Variants in SYNE2 observed in about 807,000 individuals in gnomAD.
SYNE2 encodes spectrin repeat containing nuclear envelope protein 2, also known as nesprin-2.
SYNE2 carries 431 observed loss-of-function variants against 856.3 expected under a neutral mutation model. That is an observed-to-expected ratio of 0.50 (90% CI 0.47 to 0.55). SYNE2 has a LOEUF of 0.55. Among genes scored for constraint, SYNE2 ranks in the 20% least tolerant of loss-of-function variants. The pLI is 0.00. For missense variants in SYNE2, 8,129 were observed against 8,023.2 expected, an observed-to-expected ratio of 1.01 and a Z score of -0.50; for synonymous variants, 2,923 against 2,872.3, an observed-to-expected ratio of 1.02 and a Z score of -0.56.
chr14:63,830,257 G>A (rs1013652479), intron 1 of SYNE2, among the ~76,000 whole-genome samples: 3 of 150,780 alleles, frequency 2.0e-5, no homozygotes, highest in African/African-American at 7.3e-5. Context: ...AGGCTAAACA[G>A]TGTGAGGTTT....
chr14:63,956,425 A>G (rs2096242572), intron 8 of SYNE2: 1 of 456,452 alleles, frequency 2.2e-6, no homozygotes, highest in African/African-American at 2.0e-5. Flanking sequence ...TTTTTTCACA[A>G]CCAGCTTACA....
Position 63,979,006 on chromosome 14 carries a change from G to A in SYNE2, c.1561G>A (p.Asp521Asn). 6.2e-7 allele frequency: 1 copy of A among 1,613,702 alleles called. No individual in the cohort carries two copies. The highest frequency in any genetic ancestry group is 8.5e-7 in the Non-Finnish European group (1 of 1,179,792). ...SRESVELLLE[D>N]WHKFIEEKEF... The stretch of plus-strand genomic sequence containing the variant: ...AGAATCTGTGGAATTATTGCTGGAA[G>A]ACTGGCATGTAAGCTTTTCAATTTT... Residue 521 changes from aspartate (D) to asparagine (N), a missense_variant, in exon 14 of 116, where the codon GAC becomes AAC. Coordinates refer to ENST00000555002, the MANE Select transcript of SYNE2 (RefSeq NM_182914.3).
intron 1 of SYNE2, among the ~76,000 whole-genome samples, chr14:63,879,595 A>G (rs1427610174): frequency 6.6e-6 from 1 of 152,236 alleles, no homozygotes; most frequent in Non-Finnish European, 1.5e-5. Context: ...TTGTGCACAG[A>G]TAGGAAAGAG....
At chr14:63,886,079 C>T (rs1179204177) in intron 1 of SYNE2, among the ~76,000 whole-genome samples, 1 of 152,160 alleles carries the variant, frequency 6.6e-6, no homozygotes, top group Non-Finnish European at 1.5e-5. Context: ...CTGTGTTGTG[C>T]TAACACAGAT....
chr14:64,009,946 G>A lies in SYNE2; in HGVS notation c.4578-20G>A. On this transcript the variant is annotated intron_variant, in intron 31 of 115. Coordinates refer to ENST00000555002, the MANE Select transcript of SYNE2 (RefSeq NM_182914.3). ...TGCTATTTTTGGACATTTAGCTATT[G>A]TATATTTTTCTATTCTTAGTCTTGA... The A allele has an allele frequency of 6.2e-7, 1 of 1,608,262 alleles. No individual in the cohort carries two copies.
chr14:64,121,057 A>C lies in SYNE2; in HGVS notation c.13154A>C (p.Gln4385Pro). Residue 4385 changes from glutamine to proline, a missense_variant, in exon 68 of 116, where the codon CAA (glutamine) becomes CCA (proline). Gln to Pro is a moderately conservative substitution (Grantham distance 76, BLOSUM62 -1). Transcript: ENST00000555002. ...QFSRQKDFQQ[Q>P]QVLELKPMEQ... ...AGCAGACAAAAAGATTTCCAGCAGC[A>C]ACAGGTAATTCTAGCCCCCAACAGT... 1 of 1,614,020 alleles carries C rather than the reference A, an allele frequency of 6.2e-7. No homozygotes were observed.
chr14:63,843,522 A>G (rs1330096684), intron 1 of SYNE2, among the ~76,000 whole-genome samples: 1 of 152,132 alleles, frequency 6.6e-6, no homozygotes, highest in Non-Finnish European at 1.5e-5. Context: ...TCTCCATTCA[A>G]ATATTAAATT....
At chr14:64,142,661 T>A (rs189982030) in intron 82 of SYNE2, among the ~76,000 whole-genome samples, 96 of 152,320 alleles carry the variant, frequency 6.3e-4, no homozygotes, top group Non-Finnish European at 1.2e-3. Context: ...CTCCCCACCT[T>A]GACTGAGCTT....
chr14:63,845,726 G>A (rs561881415), intron 1 of SYNE2, among the ~76,000 whole-genome samples: 16 of 148,912 alleles, frequency 1.1e-4, no homozygotes, highest in African/African-American at 3.7e-4. Context: ...CTTTGATTTA[G>A]GTTTCTTTTT....
At chr14:63,936,117 C>T (rs1467706900) in intron 2 of SYNE2, among the ~76,000 whole-genome samples, 4 of 152,212 alleles carry the variant, frequency 2.6e-5, no homozygotes. Flanking sequence ...TTGTGATCCG[C>T]CCACCTTGGC....
chr14:63,772,955 T>G (rs1886973176), intron 1 of SYNE2, among the ~76,000 whole-genome samples: 1 of 151,706 alleles, frequency 6.6e-6, no homozygotes, highest in Non-Finnish European at 1.5e-5. Context: ...TTTTTTGTAT[T>G]TTTAGTAAAA....
intron 1 of SYNE2, among the ~76,000 whole-genome samples, chr14:63,779,826 G>A (rs1265609340): frequency 6.6e-6 from 1 of 152,046 alleles, no homozygotes; most frequent in African/African-American, 2.4e-5. Context: ...CAGGAGAATC[G>A]CTTGAACTGG....
At chr14:63,999,738 G>A (rs1199007547) in intron 27 of SYNE2, among the ~76,000 whole-genome samples, 1 of 152,170 alleles carries the variant, frequency 6.6e-6, no homozygotes, top group African/African-American at 2.4e-5. Flanking sequence ...GCATTAGAGG[G>A]AACCCTCACA....
At chr14:63,877,284 A>G (rs1595377455) in intron 1 of SYNE2, among the ~76,000 whole-genome samples, 1 of 152,220 alleles carries the variant, frequency 6.6e-6, no homozygotes, top group Non-Finnish European at 1.5e-5. Context: ...TGAGAGGCCT[A>G]TAACCTAGAA....
At chr14:64,120,876 TGGA>T (rs757387911) in intron 67 of SYNE2, 48 bp from the exon 68 acceptor site, 1 of 1,598,210 alleles carries the variant, frequency 6.3e-7, no homozygotes, top group African/African-American at 1.3e-5. Context: ...TGAGATAAAG[TGGA>T]GTTTATTTTT....
At chr14:63,814,437 TC>T (rs992177953) in intron 1 of SYNE2, among the ~76,000 whole-genome samples, 8 of 75,692 alleles carry the variant, frequency 1.1e-4, no homozygotes, top group South Asian at 5.2e-4. Flanking sequence ...CTTATATATA[TC>T]CATATATATA....
chr14:63,867,252 A>G (rs1011797851), intron 1 of SYNE2, among the ~76,000 whole-genome samples: 16 of 152,336 alleles, frequency 1.1e-4, no homozygotes, highest in Non-Finnish European at 1.9e-4. Context: ...GATTCTGTAC[A>G]GAAACTTAGC....
intron 1 of SYNE2, among the ~76,000 whole-genome samples, chr14:63,768,871 T>C (rs1595092665): frequency 6.6e-6 from 1 of 152,062 alleles, no homozygotes; most frequent in East Asian, 1.9e-4. Flanking sequence ...ATAGAGGAAC[T>C]GGTTTTCAGA....
intron 1 of SYNE2, among the ~76,000 whole-genome samples, chr14:63,859,067 T>A (rs573396929): frequency 6.6e-6 from 1 of 152,312 alleles, no homozygotes; most frequent in East Asian, 1.9e-4. Flanking sequence ...TTGGAGACAG[T>A]GTCTGGAAAC....
Sources: gnomAD v4.1 joint callset for allele counts (sites outside exome capture counted in the v4.1 genomes callset) on GRCh38, gnomAD v4.1.1 for gene constraint, MANE v1.5 for transcripts, NCBI Gene and HGNC (gene_info 2026-07-23, HGNC 2026-07-21) for gene names.